Variants in LRCH1 observed in about 807,000 individuals in gnomAD.
LRCH1 encodes the protein leucine rich repeats and calponin homology domain containing 1.
A neutral mutation model predicts 94.9 loss-of-function variants in LRCH1; 23 were observed. The ratio of observed to expected loss-of-function variants is 0.24; its 90% CI spans 0.17 to 0.34. The LOEUF is 0.34. LRCH1 is among the 10% of genes least tolerant of loss of function. The pLI, the probability that LRCH1 is intolerant of heterozygous loss-of-function variation, is 1.00. For missense variants in LRCH1, 790 were observed against 945.9 expected (o/e 0.84, Z 2.16); for synonymous variants, 364 against 354.9 (o/e 1.03, Z -0.29).
At chr13:46,612,129 G>A (rs1045599420) in intron 1 of LRCH1, among the ~76,000 whole-genome samples, 1 of 152,114 alleles carries the variant, frequency 6.6e-6, no homozygotes, top group Non-Finnish European at 1.5e-5. Flanking sequence ...GAACTTTATT[G>A]GTTAATAGGT....
At chr13:46,738,304 G>C (rs1347437405) in intron 19 of LRCH1, among the ~76,000 whole-genome samples, 1 of 152,196 alleles carries the variant, frequency 6.6e-6, no homozygotes, top group African/African-American at 2.4e-5. Flanking sequence ...CAGCCAAAGG[G>C]AGTTACAAAT....
intron 1 of LRCH1, among the ~76,000 whole-genome samples, chr13:46,573,622 G>T (rs9595493): frequency 6.6e-6 from 1 of 151,482 alleles, no homozygotes; most frequent in East Asian, 1.9e-4. Context: ...GAAATAAGCC[G>T]GGCACAGAAA....
At chr13:46,683,167 T>A (rs1870431598) in intron 4 of LRCH1, among the ~76,000 whole-genome samples, 1 of 152,204 alleles carries the variant, frequency 6.6e-6, no homozygotes, top group Non-Finnish European at 1.5e-5. Flanking sequence ...ATGGAACAAT[T>A]TATGGATGCC....
At chr13:46,622,332 C>G (rs11842564) in intron 1 of LRCH1, among the ~76,000 whole-genome samples, 7,159 of 152,126 alleles carry the variant, frequency 0.047, 559 homozygotes, top group African/African-American at 0.16. Context: ...AAGACACAAT[C>G]TATCGTTGTT....
intron 2 of LRCH1, among the ~76,000 whole-genome samples, chr13:46,666,707 A>G (rs1177959162): frequency 1.3e-5 from 2 of 152,254 alleles, no homozygotes; most frequent in Non-Finnish European, 2.9e-5. Context: ...ATTAACAAAT[A>G]TTTTATAACC....
At chr13:46,661,666 G>A (rs1170845622) in intron 2 of LRCH1, among the ~76,000 whole-genome samples, 1 of 152,162 alleles carries the variant, frequency 6.6e-6, no homozygotes, top group African/African-American at 2.4e-5. Context: ...TTCCTTGGAG[G>A]GATGAGTAGG....
chr13:46,663,890 TA>T (rs2138106172), intron 2 of LRCH1, among the ~76,000 whole-genome samples: 1 of 152,368 alleles, frequency 6.6e-6, no homozygotes. Context: ...TTGTGATGGT[TA>T]ATGACTTTAC....
At chr13:46,611,133 C>G (rs997747905) in intron 1 of LRCH1, among the ~76,000 whole-genome samples, 1 of 152,118 alleles carries the variant, frequency 6.6e-6, no homozygotes, top group Non-Finnish European at 1.5e-5. Flanking sequence ...GTGCTAGTGT[C>G]CCCGGTTGGT....
intron 1 of LRCH1, among the ~76,000 whole-genome samples, chr13:46,600,749 A>G (rs143971932): frequency 7.5e-4 from 114 of 152,220 alleles, no homozygotes; most frequent in African/African-American, 2.5e-3. Context: ...TGTTCATTGA[A>G]TTGATTTTAT....
intron 1 of LRCH1, among the ~76,000 whole-genome samples, chr13:46,628,145 A>G (rs547279074): frequency 6.6e-6 from 1 of 152,336 alleles, no homozygotes; most frequent in South Asian, 2.1e-4. Flanking sequence ...AGCACAGTTC[A>G]GAAGACATAC....
chr13:46,623,693 G>GTTTTTTTTTTTTTTTTT (rs5803361), intron 1 of LRCH1, among the ~76,000 whole-genome samples: 28 of 128,486 alleles, frequency 2.2e-4, no homozygotes, highest in Admixed American at 3.2e-4. Flanking sequence ...CCCTGTCTCT[G>GTTTTTTTTTTTTTTTTT]TTTTTTTTTT....
intron 3 of LRCH1, among the ~76,000 whole-genome samples, chr13:46,673,312 AT>A (rs1473799582): frequency 6.6e-6 from 1 of 152,138 alleles, no homozygotes; most frequent in African/African-American, 2.4e-5. Flanking sequence ...TTGGAAAAGC[AT>A]TTACTTATGA....
intron 1 of LRCH1, among the ~76,000 whole-genome samples, chr13:46,601,350 A>G (rs1594276776): frequency 6.6e-6 from 1 of 152,356 alleles, no homozygotes; most frequent in East Asian, 1.9e-4. Context: ...TAACTTGCTT[A>G]GAGGGTAGAG....
At chr13:46,746,118 T>C (rs1248715770), downstream of LRCH1, among the ~76,000 whole-genome samples, 1 of 152,226 alleles carries the variant, frequency 6.6e-6, no homozygotes, top group African/African-American at 2.4e-5. Flanking sequence ...GAGCCCTGGC[T>C]CTAAGACACA....
chr13:46,721,439 A>G (rs751547589), intron 16 of LRCH1, among the ~76,000 whole-genome samples: 1 of 152,064 alleles, frequency 6.6e-6, no homozygotes, highest in South Asian at 2.1e-4. Flanking sequence ...ATATTTTTAT[A>G]TATGTCTCTT....
chr13:46,562,500 A>G (rs1230233134), intron 1 of LRCH1, among the ~76,000 whole-genome samples: 1 of 152,160 alleles, frequency 6.6e-6, no homozygotes, highest in Non-Finnish European at 1.5e-5. Flanking sequence ...TTATAAGGGT[A>G]TCAGTGAGAT....
chr13:46,715,161 A>G (rs1872258673), intron 15 of LRCH1, among the ~76,000 whole-genome samples: 1 of 152,142 alleles, frequency 6.6e-6, no homozygotes, highest in South Asian at 2.1e-4. Flanking sequence ...TGTGTGAATC[A>G]TATTTTGTTA....
At chr13:46,684,079 G>A (rs1870474623) in intron 4 of LRCH1, among the ~76,000 whole-genome samples, 1 of 152,134 alleles carries the variant, frequency 6.6e-6, no homozygotes, top group Non-Finnish European at 1.5e-5. Context: ...CAGTTTTGTG[G>A]TGGTTTTACT....
At chr13:46,602,503 CCTAA>C (rs1043132676) in intron 1 of LRCH1, among the ~76,000 whole-genome samples, 34 of 152,134 alleles carry the variant, frequency 2.2e-4, no homozygotes, top group Admixed American at 9.2e-4. Flanking sequence ...GCAGATTTAG[CCTAA>C]CTATGAAATT....
Sources: allele counts gnomAD v4.1 joint callset (sites outside exome capture counted in the v4.1 genomes callset), GRCh38; gene constraint gnomAD v4.1.1; transcripts MANE v1.5; gene names NCBI Gene and HGNC (gene_info 2026-07-23, HGNC 2026-07-21).